The following LPP variants were observed in gnomAD, a reference collection of about 807,000 sequenced individuals.
LPP encodes the protein LIM domain containing preferred translocation partner in lipoma, also known as lipoma-preferred partner.
In LPP, 38 loss-of-function variants were observed where a neutral mutation model predicts 60.4. The observed-to-expected ratio is 0.63, with a 90% confidence interval of 0.49 to 0.83. The LOEUF is 0.83. Among genes scored for constraint, LPP ranks in the 40% least tolerant of loss-of-function variants. The probability of loss-of-function intolerance (pLI) is 0.00; values close to 1 mark genes in which losing one functional copy is unlikely to be tolerated. For synonymous variants in LPP, 328 were observed against 290.8 expected, an observed-to-expected ratio of 1.13 and a Z score of -1.30; for missense variants, 902 against 783.6, an observed-to-expected ratio of 1.15 and a Z score of -1.80.
intron 2 of LPP, among the ~76,000 whole-genome samples, chr3:188,318,004 GACAC>G (rs1302865933): frequency 6.6e-6 from 1 of 152,164 alleles, no homozygotes; most frequent in African/African-American, 2.4e-5. Context: ...AGGACAGGCA[GACAC>G]AAATAGAGAG....
chr3:188,874,300 T>G, intron 11 of LPP, 51 bp from the exon 12 acceptor site: 1 of 1,570,568 alleles, frequency 6.4e-7, no homozygotes, highest in Non-Finnish European at 8.7e-7. Flanking sequence ...TCTCCACATG[T>G]GTACTTAACG....
At chr3:188,842,245 G>A (rs1465930694) in intron 9 of LPP, among the ~76,000 whole-genome samples, 2 of 152,164 alleles carry the variant, frequency 1.3e-5, no homozygotes, top group East Asian at 3.8e-4. Flanking sequence ...ATATCTGATT[G>A]TAGTTTTAAT....
chr3:188,313,094 T>A (rs1227455614), intron 2 of LPP, among the ~76,000 whole-genome samples: 1 of 151,618 alleles, frequency 6.6e-6, no homozygotes, highest in African/African-American at 2.4e-5. Flanking sequence ...GTAACAAATC[T>A]GCACGTTGTG....
chr3:188,479,923 T>G (rs1206356569), intron 4 of LPP, among the ~76,000 whole-genome samples: 1 of 152,232 alleles, frequency 6.6e-6, no homozygotes, highest in African/African-American at 2.4e-5. Flanking sequence ...ATTTACTTAC[T>G]TTGCAGGTAA....
intron 9 of LPP, among the ~76,000 whole-genome samples, chr3:188,769,772 G>T (rs1735274658): frequency 6.6e-6 from 1 of 152,172 alleles, no homozygotes; most frequent in African/African-American, 2.4e-5. Flanking sequence ...GTGGCTACAG[G>T]TCCAGAGAGA....
In LPP at chr3:188,561,975, G is replaced by A. The variant is rs181879361; in HGVS notation, c.429+37188G>A. On this transcript the variant is annotated intron_variant, in intron 6 of 11. Coordinates refer to ENST00000617246, the MANE Select transcript of LPP (RefSeq NM_001375462.1). ...GCGCATGGACTTGTGAGCAGTTGGC[G>A]TTAAGGTTGAGAAGAGGGCAGTGTG... Among the ~76,000 whole-genome samples the A allele has an allele frequency of 5.7e-4, 86 of 152,100 alleles. 1 individual carries two copies. The highest frequency in any genetic ancestry group is 2.1e-4 in the South Asian group (1 of 4,828).
Position 188,881,987 on chromosome 3 carries a change from CT to C in LPP, c.*7512del, listed in dbSNP as rs1348398180. On this transcript the variant is annotated 3_prime_UTR_variant, in exon 12 of 12. Transcript: ENST00000617246. The stretch of plus-strand genomic sequence containing the variant: ...TAATCATTTAGGAGTCCATATTTTT[CT>C]TTTCTTTTTGTTCTCCCAACATCCT... The C allele has an allele frequency of 1.9e-5, 4 of 213,286 alleles. No homozygotes were observed. The highest frequency in any genetic ancestry group is 3.8e-5 in the Non-Finnish European group (4 of 105,708). 13.2% of individuals were successfully genotyped at this position (213,286 alleles called of 1,614,324 possible).
chr3:188,688,277 C>T (rs1208632971), intron 7 of LPP, among the ~76,000 whole-genome samples: 1 of 152,168 alleles, frequency 6.6e-6, no homozygotes, highest in Non-Finnish European at 1.5e-5. Flanking sequence ...ATTGAATTTT[C>T]CCTATGCAAT....
At chr3:188,432,962 T>A (rs1791305487) in intron 4 of LPP, among the ~76,000 whole-genome samples, 1 of 152,126 alleles carries the variant, frequency 6.6e-6, no homozygotes, top group African/African-American at 2.4e-5. Context: ...CCAAGAGCTG[T>A]GCAGGATAGG....
At chr3:188,707,423 A>ATC (rs1865701777) in intron 7 of LPP, among the ~76,000 whole-genome samples, 1 of 152,136 alleles carries the variant, frequency 6.6e-6, no homozygotes, top group East Asian at 1.9e-4. Context: ...TGGCCGCGCC[A>ATC]AAGCCCCAAA....
At chr3:188,477,306 T>C (rs1803491735) in intron 4 of LPP, among the ~76,000 whole-genome samples, 2 of 152,186 alleles carry the variant, frequency 1.3e-5, no homozygotes, top group Non-Finnish European at 2.9e-5. Flanking sequence ...ATTTCCTGGG[T>C]ATTGCTTTCT....
intron 3 of LPP, among the ~76,000 whole-genome samples, chr3:188,372,185 T>C (rs980196832): frequency 2.6e-5 from 4 of 152,094 alleles, no homozygotes; most frequent in African/African-American, 9.7e-5. Context: ...CAAAATTGGC[T>C]TGACAGCAAA....
intron 4 of LPP, among the ~76,000 whole-genome samples, chr3:188,448,280 C>G (rs995622840): frequency 6.9e-6 from 1 of 144,910 alleles, no homozygotes; most frequent in Admixed American, 6.9e-5. Flanking sequence ...TTCACCCCGT[C>G]TTTGTAATGG....
rs1843582368 is a variant in LPP at position 188,610,948 on chromosome 3, G to C, written c.1113+1104G>C. On this transcript the variant is annotated intron_variant, in intron 7 of 11. Coordinates refer to ENST00000617246, the MANE Select transcript of LPP (RefSeq NM_001375462.1). The surrounding 1 kb of genome is among the most constrained non-coding windows in gnomAD (Gnocchi z 4.4). ...GTAGTTTTGGGGGATGGATTGGGTA[G>C]AAGTTTGGACTGTATTTTTAAAAAT... Among the ~76,000 whole-genome samples the C allele has an allele frequency of 6.6e-6, 1 of 152,194 alleles. No individual in the cohort carries two copies. The highest frequency in any genetic ancestry group is 2.1e-4 in the South Asian group (1 of 4,834).
chr3:188,301,425 C>A (rs944419061), intron 2 of LPP, among the ~76,000 whole-genome samples: 28 of 152,148 alleles, frequency 1.8e-4, no homozygotes, highest in African/African-American at 6.8e-4. Context: ...ATTATCCTTT[C>A]TGTGATGCTA....
chr3:188,759,851 C>T (rs1001941318), intron 8 of LPP, among the ~76,000 whole-genome samples: 1 of 152,148 alleles, frequency 6.6e-6, no homozygotes, highest in African/African-American at 2.4e-5. Context: ...TTCTACTGTT[C>T]CTTTCTGCAA....
chr3:188,823,175 T>C (rs1345636247), intron 9 of LPP, among the ~76,000 whole-genome samples: 1 of 152,164 alleles, frequency 6.6e-6, no homozygotes, highest in Non-Finnish European at 1.5e-5. Flanking sequence ...AAGAGATGGG[T>C]GAAAATAAAT....
rs55811112 is a variant in LPP at position 188,248,468 on chromosome 3, TTA to T, written c.-67+22970_-67+22971del. ...CCTAGTGTTCAGCTGCAGTATAACT[TTA>T]TATATATATATATATATATATATAT... On this transcript the variant is annotated intron_variant, in intron 2 of 11. Transcript: ENST00000617246. 2.6e-3 allele frequency among the ~76,000 whole-genome samples: 217 copies of T among 84,046 alleles called. 11 individuals are homozygous for T. The highest frequency in any genetic ancestry group is 7.6e-3 in the African/African-American group (143 of 18,816). The allele number at this position is 84,046 out of a possible 152,430, so 55.1% of individuals were successfully genotyped here. A position where few individuals can be genotyped will look rare whatever the true frequency, so the allele number is the denominator to read the frequency against.
chr3:188,523,577 C>T (rs948057047), intron 5 of LPP, among the ~76,000 whole-genome samples: 10 of 152,176 alleles, frequency 6.6e-5, no homozygotes, highest in Non-Finnish European at 1.2e-4. Context: ...TTAGTGCTAG[C>T]CTGTCATGGC....
Sources: gnomAD v4.1 joint callset for allele counts (sites outside exome capture counted in the v4.1 genomes callset) on GRCh38, gnomAD v4.1.1 for gene constraint, Gnocchi (gnomAD v3.1) non-coding constraint, MANE v1.5 for transcripts, NCBI Gene and HGNC (gene_info 2026-07-23, HGNC 2026-07-21) for gene names.